CD163L1: variants seen among roughly 807,000 people sequenced by gnomAD.
The protein encoded by CD163L1 is scavenger receptor cysteine-rich type 1 protein M160.
A neutral mutation model predicts 165.4 loss-of-function variants in CD163L1; 124 were observed. The observed-to-expected ratio is 0.75, with a 90% confidence interval of 0.65 to 0.87. The LOEUF (loss-of-function observed/expected upper bound fraction) is 0.87, where lower values mean the gene tolerates loss of function less well. Ranked by LOEUF, CD163L1 falls within the 40% of genes least tolerant of loss-of-function variation. The pLI is 0.00. For missense variants in CD163L1, 1,525 were observed against 1,799.9 expected (o/e 0.85, Z 2.76); for synonymous variants, 585 against 662.2 (o/e 0.88, Z 1.79).
intron 2 of CD163L1, 64 bp from the exon 3 acceptor site, chr12:7,433,758 T>C (rs932865118): frequency 1.3e-5 from 15 of 1,155,732 alleles, no homozygotes; most frequent in Non-Finnish European, 1.6e-5. Context: ...ATAATATAAG[T>C]AGGTGAGATG....
At chr12:7,360,709 C>T (rs929474587) in intron 18 of CD163L1, among the ~76,000 whole-genome samples, 2 of 152,122 alleles carry the variant, frequency 1.3e-5, no homozygotes, top group African/African-American at 4.8e-5. Flanking sequence ...TTTGCCTTTG[C>T]CTCATAGAAT....
chr12:7,420,953 C>T (rs1367015855), intron 4 of CD163L1, among the ~76,000 whole-genome samples: 3 of 128,510 alleles, frequency 2.3e-5, no homozygotes, highest in Non-Finnish European at 3.2e-5. Flanking sequence ...GCCCAAATGC[C>T]CATCAATCAA....
At chr12:7,381,914 TAA>T (rs1285159548) in intron 8 of CD163L1, among the ~76,000 whole-genome samples, 5 of 151,092 alleles carry the variant, frequency 3.3e-5, no homozygotes, top group Non-Finnish European at 5.9e-5. Flanking sequence ...TGATTCAGCA[TAA>T]AAAGGTGACA....
the CD163L1 span, chr12:7,326,874 C>T: frequency 7.7e-7 from 1 of 1,296,914 alleles, no homozygotes; most frequent in African/African-American, 1.5e-5. Context: ...ATCACACAAA[C>T]TGTTATTAAT....
chr12:7,435,991 TAAACA>T (rs1258731837), intron 2 of CD163L1, among the ~76,000 whole-genome samples: 2 of 152,160 alleles, frequency 1.3e-5, no homozygotes, highest in African/African-American at 4.8e-5. Context: ...TAAGCAAAAC[TAAACA>T]ATACATTATT....
intron 4 of CD163L1, among the ~76,000 whole-genome samples, chr12:7,431,624 G>T (rs1400249477): frequency 6.6e-6 from 1 of 151,794 alleles, no homozygotes; most frequent in Non-Finnish European, 1.5e-5. Flanking sequence ...GGGGGGCTGG[G>T]GGAGGGATAA....
the CD163L1 span, among the ~76,000 whole-genome samples, chr12:7,321,047 C>T: frequency 6.6e-6 from 1 of 152,236 alleles, no homozygotes; most frequent in African/African-American, 2.4e-5. Flanking sequence ...TCAAAAATGT[C>T]CCTAGACACT....
At chr12:7,410,640 G>T (rs1948120587) in intron 4 of CD163L1, among the ~76,000 whole-genome samples, 1 of 146,232 alleles carries the variant, frequency 6.8e-6, no homozygotes, top group East Asian at 2.0e-4. Context: ...GACCATCCTG[G>T]CTAATACGGT....
chr12:7,373,538 T>A lies in CD163L1; in HGVS notation c.3512A>T (p.Asn1171Ile), dbSNP rs1565778794. Residue 1171 changes from asparagine (N) to isoleucine (I), a missense_variant, in exon 14 of 20, where the codon AAC becomes ATC. By Grantham distance (149) the Asn-to-Ile change is moderately radical. Coordinates refer to ENST00000313599, the MANE Select transcript of CD163L1 (RefSeq NM_174941.6). ...NGTWGSVGRRNITTAIAGIVC... is the reference protein window; with the variant it reads ...NGTWGSVGRRIITTAIAGIVC... Reference sequence around the variant, plus strand: ...AATGCCTGCTATGGCTGTGGTGATGTTCCTCCTGCCGACGCTGCCCCAGGT... The same window carrying A: ...AATGCCTGCTATGGCTGTGGTGATGATCCTCCTGCCGACGCTGCCCCAGGT... 2 of 1,614,206 alleles carry A rather than the reference T, an allele frequency of 1.2e-6. No homozygotes were observed. Among genetic ancestry groups the A allele is most frequent in the East Asian group, 2.2e-5 (1 of 44,884 alleles).
the CD163L1 span, chr12:7,322,369 A>T: frequency 1.2e-6 from 2 of 1,611,222 alleles, no homozygotes; most frequent in Admixed American, 3.3e-5. Flanking sequence ...CTTGCAGTGA[A>T]AGCACTCAGG....
Position 7,403,597 on chromosome 12 carries a change from G to A in CD163L1, c.1346C>T (p.Thr449Ile), listed in dbSNP as rs759875614. The A allele has an allele frequency of 8.7e-6, 14 of 1,613,788 alleles. No homozygotes were observed. In the East Asian group the frequency reaches 2.7e-4, roughly 31 times the overall value. Reference sequence around the variant, plus strand: ...TGTTCGCTTTGCTTTTCCATCATATGTGCAGTCCCAGAGAGCTGACTCATT... The same window carrying A: ...TGTTCGCTTTGCTTTTCCATCATATATGCAGTCCCAGAGAGCTGACTCATT... The part of the protein sequence containing the change: ...TGNESALWDC[T>I]YDGKAKRTCF... The change falls in exon 6 of 20, where the codon ACA becomes ATA. Residue 449 changes from threonine to isoleucine, a missense_variant. By Grantham distance (89) the Thr-to-Ile change is moderately conservative (BLOSUM62 -1). Coordinates refer to ENST00000313599, the MANE Select transcript of CD163L1 (RefSeq NM_174941.6).
At chr12:7,441,764 C>T (rs1044500620) in intron 1 of CD163L1, among the ~76,000 whole-genome samples, 1 of 152,176 alleles carries the variant, frequency 6.6e-6, no homozygotes, top group Non-Finnish European at 1.5e-5. Context: ...AATGTACAAG[C>T]AAATCAACAT....
At position 7,441,076 on chromosome 12, in the gene CD163L1, A is replaced by G. The variant is rs1015309293; in HGVS notation, c.124+78T>C. On this transcript the variant is annotated intron_variant, in intron 2 of 19. Transcript: ENST00000313599. The stretch of plus-strand genomic sequence containing the variant: ...TTACATGTTCTATTTCCCTCAAAAT[A>G]TGCACTTAGGGTAGTGAGTAGGGGA... 5.3e-6 allele frequency: 5 copies of G among 938,054 alleles called. No individual in the cohort carries two copies. In the East Asian group the frequency reaches 1.2e-4, roughly 23 times the overall value. The allele number at this position is 938,054 out of a possible 1,614,324, so 58.1% of individuals were successfully genotyped here.
At chr12:7,384,412 T>C (rs767325704) in intron 8 of CD163L1, among the ~76,000 whole-genome samples, 1 of 152,238 alleles carries the variant, frequency 6.6e-6, no homozygotes, top group Admixed American at 6.5e-5. Flanking sequence ...TTTTAAAAGA[T>C]ACTTAGATAT....
At chr12:7,332,997 TAA>T in the CD163L1 span, among the ~76,000 whole-genome samples, 3 of 152,138 alleles carry the variant, frequency 2.0e-5, no homozygotes, top group African/African-American at 7.2e-5. Context: ...GCAAATTGGA[TAA>T]AGAGTCATGA....
At chr12:7,357,533 C>T in intron 18 of CD163L1, 47 bp from the exon 19 acceptor site, 8 of 1,530,232 alleles carry the variant, frequency 5.2e-6, no homozygotes, top group Non-Finnish European at 6.3e-6. Flanking sequence ...GAAAACCTCT[C>T]TGCAGAGGGA....
chr12:7,415,532 C>A (rs1478986062), intron 4 of CD163L1, among the ~76,000 whole-genome samples: 1 of 152,000 alleles, frequency 6.6e-6, no homozygotes, highest in Non-Finnish European at 1.5e-5. Flanking sequence ...ACCCATCAAC[C>A]AGTCATCTAC....
rs79867533 is a variant in CD163L1 at position 7,408,492 on chromosome 12, G to T, written c.767-1640C>A. Reference sequence around the variant, plus strand: ...GTATTTTTATCGATACATATCAGTTGTATGTATTTTGGGGATACATGTGAT... The same window carrying T: ...GTATTTTTATCGATACATATCAGTTTTATGTATTTTGGGGATACATGTGAT... On this transcript the variant is annotated intron_variant, in intron 4 of 19. Transcript: ENST00000313599. Among the ~76,000 whole-genome samples, 136 of 152,076 alleles carry T rather than the reference G, an allele frequency of 8.9e-4. 1 individual carries two copies. Among genetic ancestry groups the T allele is most frequent in the Admixed American group, 5.8e-3 (89 of 15,272 alleles).
downstream of CD163L1, among the ~76,000 whole-genome samples, chr12:7,345,161 G>T (rs1483822640): frequency 2.0e-5 from 3 of 150,834 alleles, no homozygotes; most frequent in Admixed American, 6.6e-5. Flanking sequence ...CCACCACATG[G>T]CTAGGCTACA....
Sources: allele counts gnomAD v4.1 joint callset (sites outside exome capture counted in the v4.1 genomes callset), GRCh38; gene constraint gnomAD v4.1.1; transcripts MANE v1.5; gene names NCBI Gene and HGNC (gene_info 2026-07-23, HGNC 2026-07-21).